The following SH3GL2 variants were observed in gnomAD, a reference collection of about 807,000 sequenced individuals.
SH3GL2 encodes endophilin-A1.
Under a neutral mutation model 46.0 loss-of-function variants are expected in SH3GL2, and 24 were observed. That is an observed-to-expected ratio of 0.52 (90% CI 0.38 to 0.73). SH3GL2 has a LOEUF of 0.73. Among genes scored for constraint, SH3GL2 ranks in the 30% least tolerant of loss-of-function variants. SH3GL2 has a pLI of 0.00. For synonymous variants in SH3GL2, 196 were observed against 147.1 expected (o/e 1.33, Z -2.40); for missense variants, 413 against 424.2 (o/e 0.97, Z 0.23).
At chr9:17,720,405 C>T (rs1317928309) in intron 1 of SH3GL2, among the ~76,000 whole-genome samples, 1 of 152,204 alleles carries the variant, frequency 6.6e-6, no homozygotes, top group Non-Finnish European at 1.5e-5. Context: ...GAGCTTTGGC[C>T]TGCCTTGTGG....
At chr9:17,670,838 G>A (rs1189268245) in intron 1 of SH3GL2, among the ~76,000 whole-genome samples, 1 of 152,132 alleles carries the variant, frequency 6.6e-6, no homozygotes, top group Non-Finnish European at 1.5e-5. Flanking sequence ...ATTCTCAAAT[G>A]TTAGTGGGTA....
At chr9:17,694,982 A>G (rs144024757) in intron 1 of SH3GL2, among the ~76,000 whole-genome samples, 107 of 152,300 alleles carry the variant, frequency 7.0e-4, no homozygotes, top group African/African-American at 2.5e-3. Flanking sequence ...AGTGAAAATT[A>G]TAAAATTTTC....
At chr9:17,645,289 G>T (rs1819787556) in intron 1 of SH3GL2, among the ~76,000 whole-genome samples, 1 of 148,552 alleles carries the variant, frequency 6.7e-6, no homozygotes, top group African/African-American at 2.5e-5. Context: ...TGGGTCTCCT[G>T]AATACAACAC....
chr9:17,791,177 GTTTA>G, intron 6 of SH3GL2, 50 bp from the exon 7 acceptor site: 1 of 1,292,390 alleles, frequency 7.7e-7, no homozygotes. Context: ...AGTAGTGGCT[GTTTA>G]GGGATGGTAA....
At chr9:17,687,497 C>T (rs1276114149) in intron 1 of SH3GL2, among the ~76,000 whole-genome samples, 5 of 150,332 alleles carry the variant, frequency 3.3e-5, no homozygotes, top group Non-Finnish European at 5.9e-5. Flanking sequence ...TTTTTAAGTG[C>T]AGCAAAAAAA....
rs1415016344 is a variant in SH3GL2, at chr9:17,795,706, T to A, written c.1022T>A (p.Ile341Asn). Residue 341 changes from isoleucine to asparagine, a missense_variant, in exon 9 of 9, where the codon ATC becomes AAC. Physicochemically the swap from Ile to Asn is moderately radical, Grantham distance 149. Transcript: ENST00000380607. ...MLHGHSGFFP[I>N]NYVEILVALP... ...CATGGCCATTCAGGCTTCTTCCCCATCAATTATGTGGAAATTCTGGTTGCC... is the reference window on the plus strand; with the variant it reads ...CATGGCCATTCAGGCTTCTTCCCCAACAATTATGTGGAAATTCTGGTTGCC... The A allele has an allele frequency of 6.2e-7, 1 of 1,614,024 alleles. No individual in the cohort carries two copies.
chr9:17,665,113 C>G (rs967690232), intron 1 of SH3GL2, among the ~76,000 whole-genome samples: 1 of 152,140 alleles, frequency 6.6e-6, no homozygotes, highest in Non-Finnish European at 1.5e-5. Context: ...CGTACACAAA[C>G]TATTTTTTCT....
intron 1 of SH3GL2, among the ~76,000 whole-genome samples, chr9:17,618,210 C>T (rs534597624): frequency 6.6e-6 from 1 of 152,258 alleles, no homozygotes; most frequent in African/African-American, 2.4e-5. Context: ...GTGCTACCAG[C>T]ATCTGGTAAG....
At chr9:17,791,192 C>T (rs201521935) in intron 6 of SH3GL2, 39 bp from the exon 7 acceptor site, 707 of 1,397,534 alleles carry the variant, frequency 5.1e-4, no homozygotes, top group Middle Eastern at 8.9e-4. Context: ...GGGATGGTAA[C>T]GTGTAAAACT....
chr9:17,728,964 G>T (rs1822097738), intron 1 of SH3GL2, among the ~76,000 whole-genome samples: 1 of 152,144 alleles, frequency 6.6e-6, no homozygotes, highest in Non-Finnish European at 1.5e-5. Context: ...ATGGTAGAAT[G>T]ATTTATAATA....
chr9:17,748,355 C>A (rs1314874413), intron 2 of SH3GL2, among the ~76,000 whole-genome samples: 1 of 152,114 alleles, frequency 6.6e-6, no homozygotes, highest in Non-Finnish European at 1.5e-5. Flanking sequence ...CACATTTAAA[C>A]ATTGTAAAGA....
At chr9:17,593,556 A>G (rs1818521906) in intron 1 of SH3GL2, among the ~76,000 whole-genome samples, 1 of 152,218 alleles carries the variant, frequency 6.6e-6, no homozygotes. Flanking sequence ...TTACAAGGAC[A>G]CAAGAATGTA....
rs558661076 is a variant in SH3GL2, at chr9:17,757,403, C to G, written c.115-4034C>G. Among the ~76,000 whole-genome samples, 121 of 152,270 alleles carry G rather than the reference C, an allele frequency of 7.9e-4. 1 individual carries two copies. Among genetic ancestry groups the G allele is most frequent in the African/African-American group, 2.6e-3 (107 of 41,530 alleles). On this transcript the variant is annotated intron_variant, in intron 2 of 8. Transcript: ENST00000380607. ...CAGAATGGGAGAAAATTTTTGCAATCTATTCATCTGACAAAGAGCTAATAT... is the reference window on the plus strand; with the variant it reads ...CAGAATGGGAGAAAATTTTTGCAATGTATTCATCTGACAAAGAGCTAATAT...
chr9:17,665,574 T>C (rs1018439040), intron 1 of SH3GL2, among the ~76,000 whole-genome samples: 4 of 152,106 alleles, frequency 2.6e-5, no homozygotes, highest in African/African-American at 7.2e-5. Context: ...AAACTATTAC[T>C]GTCAACATTT....
chr9:17,642,958 A>C (rs148453207), intron 1 of SH3GL2, among the ~76,000 whole-genome samples: 1,961 of 152,288 alleles, frequency 0.013, 63 homozygotes, highest in African/African-American at 0.044. Context: ...AATAGCATTG[A>C]ATCTATAAAT....
chr9:17,720,403 G>A (rs1455644993), intron 1 of SH3GL2, among the ~76,000 whole-genome samples: 1 of 152,126 alleles, frequency 6.6e-6, no homozygotes, highest in African/African-American at 2.4e-5. Context: ...AAGAGCTTTG[G>A]CCTGCCTTGT....
chr9:17,780,656 G>T (rs1248586160), intron 3 of SH3GL2, among the ~76,000 whole-genome samples: 1 of 107,448 alleles, frequency 9.3e-6, no homozygotes, highest in Non-Finnish European at 1.9e-5. Flanking sequence ...ATAGTCCCCA[G>T]AGTGTGATAT....
chr9:17,796,217 A>C lies in SH3GL2; in HGVS notation c.*474A>C, dbSNP rs1451672546. On this transcript the variant is annotated 3_prime_UTR_variant, in exon 9 of 9. Coordinates refer to ENST00000380607, the MANE Select transcript of SH3GL2 (RefSeq NM_003026.5). ...TCAAAGTAAGCCTTCCCTCACCAGC[A>C]AATTGTCTCCTGATCTGAATGAATT... The C allele has an allele frequency of 6.4e-6, 1 of 155,394 alleles. No individual in the cohort carries two copies. Among genetic ancestry groups the C allele is most frequent in the Non-Finnish European group, 1.4e-5 (1 of 69,776 alleles). The allele number at this position is 155,394 out of a possible 1,614,324, so 9.6% of individuals were successfully genotyped here.
At chr9:17,687,398 G>T (rs1588240253) in intron 1 of SH3GL2, among the ~76,000 whole-genome samples, 2 of 152,132 alleles carry the variant, frequency 1.3e-5, no homozygotes, top group South Asian at 2.1e-4. Context: ...GTACAGTATT[G>T]TTGCAGATAT....
Sources: allele counts gnomAD v4.1 joint callset (sites outside exome capture counted in the v4.1 genomes callset), GRCh38; gene constraint gnomAD v4.1.1; transcripts MANE v1.5; gene names NCBI Gene and HGNC (gene_info 2026-07-23, HGNC 2026-07-21).